ARHGEF11: variants seen among roughly 807,000 people sequenced by gnomAD.
ARHGEF11 encodes Rho guanine nucleotide exchange factor 11.
In ARHGEF11, 55 loss-of-function variants were observed where a neutral mutation model predicts 193.7. The ratio of observed to expected loss-of-function variants is 0.28; its 90% confidence interval spans 0.23 to 0.36. ARHGEF11 has a LOEUF of 0.36. ARHGEF11 is among the 10% of genes least tolerant of loss of function. The probability of loss-of-function intolerance (pLI) is 1.00; values close to 1 mark genes in which losing one functional copy is unlikely to be tolerated. For missense variants in ARHGEF11, 1,723 were observed against 2,005.6 expected, an observed-to-expected ratio of 0.86 and a Z score of 2.69; for synonymous variants, 693 against 768.0, an observed-to-expected ratio of 0.90 and a Z score of 1.62.
At chr1:157,013,018 G>A (rs1460000832) in intron 1 of ARHGEF11, among the ~76,000 whole-genome samples, 1 of 152,066 alleles carries the variant, frequency 6.6e-6, no homozygotes, top group Non-Finnish European at 1.5e-5. Flanking sequence ...TTTTTAGGGG[G>A]CGTTGACAGG....
chr1:156,994,258 G>A (rs761791010), intron 1 of ARHGEF11, among the ~76,000 whole-genome samples: 3 of 152,142 alleles, frequency 2.0e-5, no homozygotes, highest in Non-Finnish European at 2.9e-5. Flanking sequence ...CATAGTGAGG[G>A]TCGCTCCAAA....
chr1:157,039,243 C>G (rs868421460), intron 1 of ARHGEF11, among the ~76,000 whole-genome samples: 12 of 152,180 alleles, frequency 7.9e-5, no homozygotes, highest in Non-Finnish European at 2.9e-5. Context: ...TGAAAGGACA[C>G]AAAGCATTCT....
At chr1:156,946,486 CCAACAAACAG>C (rs1658144109) in intron 28 of ARHGEF11, among the ~76,000 whole-genome samples, 166 bp downstream of exon 28, 1 of 152,162 alleles carries the variant, frequency 6.6e-6, no homozygotes, top group African/African-American at 2.4e-5. Flanking sequence ...AGGATTCTTT[CCAACAAACAG>C]AAGTCTCTTT....
At chr1:156,951,458 G>A (rs1238866628) in intron 22 of ARHGEF11, 115 bp downstream of exon 22, 8 of 1,421,980 alleles carry the variant, frequency 5.6e-6, no homozygotes, top group Non-Finnish European at 7.6e-6. Flanking sequence ...GTTCTGTAAA[G>A]GGAGCCTTAG....
intron 1 of ARHGEF11, among the ~76,000 whole-genome samples, chr1:157,042,954 G>A (rs868357143): frequency 1.3e-5 from 2 of 152,282 alleles, no homozygotes; most frequent in Middle Eastern, 3.4e-3. Context: ...CTGCAGAGAG[G>A]CCAACAGAAA....
intron 1 of ARHGEF11, among the ~76,000 whole-genome samples, chr1:156,998,707 G>A (rs376491367): frequency 1.3e-5 from 2 of 152,110 alleles, no homozygotes; most frequent in East Asian, 3.8e-4. Flanking sequence ...ACAAAATCAA[G>A]TCTTGAGTTA....
chr1:156,946,848 G>GCCTATCTCTT, intron 27 of ARHGEF11, 61 bp from the exon 28 acceptor site: 1 of 1,612,748 alleles, frequency 6.2e-7, no homozygotes, highest in East Asian at 2.2e-5. Flanking sequence ...CCAGACCCCT[G>GCCTATCTCTT]CCTTTGCCAA....
intron 1 of ARHGEF11, among the ~76,000 whole-genome samples, chr1:157,011,457 G>C (rs1333293026): frequency 6.6e-6 from 1 of 151,822 alleles, no homozygotes; most frequent in East Asian, 1.9e-4. Flanking sequence ...AAAAGCATAC[G>C]CAAAAAAAGA....
rs71084208 is a variant in ARHGEF11 at position 157,013,263 on chromosome 1, TCACACACA to T, written c.33-27098_33-27091del. ...ACTGCTCATAACTCCCCACTATCAC[TCACACACA>T]CACACACACACACACACACACACAC... On this transcript the variant is annotated intron_variant, in intron 1 of 40. Transcript: ENST00000368194. Among the ~76,000 whole-genome samples the T allele has an allele frequency of 4.3e-5, 6 of 140,808 alleles. No homozygotes were observed. In the East Asian group the frequency reaches 8.4e-4, roughly 20 times the overall value. 92.4% of individuals were successfully genotyped at this position (140,808 alleles called of 152,430 possible).
chr1:156,945,136 C>T lies in ARHGEF11; in HGVS notation c.2874G>A (p.Lys958=), dbSNP rs924375863. 3 of 1,614,086 alleles carry T rather than the reference C, an allele frequency of 1.9e-6. No individual in the cohort carries two copies. Among genetic ancestry groups the T allele is most frequent in the African/African-American group, 2.7e-5 (2 of 74,936 alleles). Residue 958 remains lysine (K), a synonymous_variant, in exon 30 of 41, where the codon AAG becomes AAA. Transcript: ENST00000368194. ...RARDQCREIL[K]YVNEAVKQTE... is the part of the protein sequence containing the mutation. ...TTTGTTTTACCGCTTCATTCACATACTTGAGAATCTCCCGGCACTGGTCCC... is the reference window on the plus strand; with the variant it reads ...TTTGTTTTACCGCTTCATTCACATATTTGAGAATCTCCCGGCACTGGTCCC...
At position 157,044,834 on chromosome 1, in the gene ARHGEF11, C is replaced by T. The variant is rs1290362454; in HGVS notation, c.-504G>A. On this transcript the variant is annotated 5_prime_UTR_variant, in exon 1 of 41. Transcript: ENST00000368194. ...TTCTAGTCTCCAATGCTTAATATGA[C>T]AACAGCAAATATCTTTGAGGAAAGG... 7.6e-6 allele frequency: 2 copies of T among 263,732 alleles called. No homozygotes were observed. The highest frequency in any genetic ancestry group is 4.4e-5 in the African/African-American group (2 of 44,952). 16.3% of individuals were successfully genotyped at this position (263,732 alleles called of 1,614,324 possible).
chr1:157,029,273 G>GTTGTTA (rs2102988305), intron 1 of ARHGEF11, among the ~76,000 whole-genome samples: 1 of 151,204 alleles, frequency 6.6e-6, no homozygotes, highest in African/African-American at 2.4e-5. Flanking sequence ...TGTTGTTGTT[G>GTTGTTA]TTGTTGTTGT....
At chr1:156,994,926 C>T (rs551034738) in intron 1 of ARHGEF11, among the ~76,000 whole-genome samples, 7 of 152,344 alleles carry the variant, frequency 4.6e-5, no homozygotes, top group African/African-American at 1.4e-4. Context: ...TGCAATCAAT[C>T]TCCCCAGCCC....
intron 1 of ARHGEF11, among the ~76,000 whole-genome samples, chr1:157,016,411 G>A (rs1669238605): frequency 6.6e-6 from 1 of 152,032 alleles, no homozygotes; most frequent in Non-Finnish European, 1.5e-5. Flanking sequence ...GTAGAGACAG[G>A]GTTTCACCAT....
intron 11 of ARHGEF11, among the ~76,000 whole-genome samples, chr1:156,967,260 C>T (rs1332853493): frequency 6.6e-6 from 1 of 152,178 alleles, no homozygotes; most frequent in African/African-American, 2.4e-5. Context: ...TATTAAGTAA[C>T]ATTATACAGG....
In ARHGEF11 at chr1:156,948,544, G is replaced by A. The variant is rs757900252; in HGVS notation, c.1926-46C>T. 2.5e-6 allele frequency: 4 copies of A among 1,614,012 alleles called. No individual in the cohort carries two copies. The highest frequency in any genetic ancestry group is 3.4e-6 in the Non-Finnish European group (4 of 1,180,012). ...ACTTTGGGACTTGGGAAGTCAGTGG[G>A]CCATGCTTACATCCTGGCTAACTCT... is the stretch of plus-strand genomic sequence containing the variant. On this transcript the variant is annotated intron_variant, in intron 22 of 40. Transcript: ENST00000368194. The surrounding 1 kb of genome is among the most constrained non-coding windows in gnomAD (Gnocchi z 4.2).
chr1:157,008,685 G>A (rs949026414), intron 1 of ARHGEF11, among the ~76,000 whole-genome samples: 2 of 152,176 alleles, frequency 1.3e-5, no homozygotes, highest in African/African-American at 4.8e-5. Context: ...GGAGGACGGT[G>A]AACTTTGTAT....
intron 6 of ARHGEF11, 24 bp downstream of exon 6, chr1:156,978,180 A>G: frequency 6.2e-7 from 1 of 1,614,014 alleles, no homozygotes; most frequent in Non-Finnish European, 8.5e-7. Context: ...TAGGGTGAGG[A>G]AAGAAAGCCA....
In ARHGEF11 at chr1:156,980,401, C is replaced by T. The variant is rs755354895; in HGVS notation, c.273+36G>A. ...GGAGTGCCCTGCACATCTATTTCCA[C>T]TGCTGGGAGTGGGAGTGTGTGTTGG... On this transcript the variant is annotated intron_variant, in intron 4 of 40. Transcript: ENST00000368194. The T allele has an allele frequency of 8.8e-6, 14 of 1,592,556 alleles. 1 individual carries two copies. In the South Asian group the frequency reaches 1.4e-4, roughly 16 times the overall value.
Sources: gnomAD v4.1 joint callset for allele counts (sites outside exome capture counted in the v4.1 genomes callset) on GRCh38, gnomAD v4.1.1 for gene constraint, Gnocchi (gnomAD v3.1) non-coding constraint, MANE v1.5 for transcripts, NCBI Gene and HGNC (gene_info 2026-07-23, HGNC 2026-07-21) for gene names.